Variants in SH3RF3 observed in about 807,000 individuals in gnomAD.
The protein encoded by SH3RF3 is SH3 domain containing ring finger 3.
Under a neutral mutation model 66.3 loss-of-function variants are expected in SH3RF3, and 29 were observed. The observed-to-expected ratio is 0.44, with a 90% CI of 0.33 to 0.60. SH3RF3 has a LOEUF of 0.60. SH3RF3 is among the 20% of genes least tolerant of loss of function. The probability of loss-of-function intolerance (pLI) is 0.04; values close to 1 mark genes in which losing one functional copy is unlikely to be tolerated. For synonymous variants in SH3RF3, 583 were observed against 532.0 expected (o/e 1.10, Z -1.32); for missense variants, 1,194 against 1,190.9 (o/e 1.00, Z -0.04).
At position 109,490,748 on chromosome 2, in the gene SH3RF3, G is replaced by A; in HGVS notation, c.2292G>A (p.Val764=). 2 of 1,536,436 alleles carry A rather than the reference G, an allele frequency of 1.3e-6. No individual in the cohort carries two copies. The highest frequency in any genetic ancestry group is 3.9e-5 in the Admixed American group (2 of 50,968). Residue 764 remains valine, a synonymous_variant, in exon 9 of 10, where the codon GTG becomes GTA. Transcript: ENST00000309415. ...ALLQGAVGPE[V]SSLSIHGRAG... ...TCCAAGGTGCAGTGGGCCCCGAAGTGTCCTCACTGTCCATCCACGGCAGGG... is the reference window on the plus strand; with the variant it reads ...TCCAAGGTGCAGTGGGCCCCGAAGTATCCTCACTGTCCATCCACGGCAGGG...
chr2:109,358,253 T>G (rs1046218414), intron 2 of SH3RF3, among the ~76,000 whole-genome samples: 6 of 152,246 alleles, frequency 3.9e-5, no homozygotes, highest in Non-Finnish European at 8.8e-5. Context: ...CATTGAGTAA[T>G]ATGCCATTAT....
chr2:109,436,972 A>G lies in SH3RF3; in HGVS notation c.1654A>G (p.Met552Val). ...ACTGGCCAAAGGGATAACCACAACC[A>G]TGCACCCAGGCAGTGGGAGTCTGAG... ...SPLAKGITTT[M>V]HPGSGSLSSL... The change falls in exon 7 of 10, where the codon ATG becomes GTG. Residue 552 changes from methionine to valine, a missense_variant. Transcript: ENST00000309415. 1.2e-6 allele frequency: 2 copies of G among 1,613,856 alleles called. No homozygotes were observed. Among genetic ancestry groups the G allele is most frequent in the Non-Finnish European group, 8.5e-7 (1 of 1,179,894 alleles).
chr2:109,442,672 T>C (rs956603998), intron 7 of SH3RF3, among the ~76,000 whole-genome samples: 4 of 152,058 alleles, frequency 2.6e-5, no homozygotes, highest in African/African-American at 9.7e-5. Context: ...TAAATGACTA[T>C]AATAAAATAA....
chr2:109,319,480 T>C (rs1574571238), intron 1 of SH3RF3, among the ~76,000 whole-genome samples: 1 of 152,184 alleles, frequency 6.6e-6, no homozygotes. Context: ...CTTGCACTTC[T>C]GCTGGGGTAG....
At chr2:109,249,532 T>G (rs190140754) in intron 1 of SH3RF3, among the ~76,000 whole-genome samples, 4 of 96,450 alleles carry the variant, frequency 4.1e-5, no homozygotes, top group Non-Finnish European at 8.1e-5. Flanking sequence ...TCTTTCTTTC[T>G]TTCCTTCCTT....
intron 1 of SH3RF3, among the ~76,000 whole-genome samples, chr2:109,262,543 G>C (rs1034804584): frequency 1.3e-5 from 2 of 152,124 alleles, no homozygotes; most frequent in Non-Finnish European, 2.9e-5. Flanking sequence ...ATCCTTCAAA[G>C]GTTTTCTTGT....
chr2:109,494,794 C>A (rs1679217452), intron 9 of SH3RF3, among the ~76,000 whole-genome samples: 1 of 152,104 alleles, frequency 6.6e-6, no homozygotes, highest in Non-Finnish European at 1.5e-5. Flanking sequence ...ATTTCTTGGG[C>A]CTTTCCTGTG....
chr2:109,298,962 GT>G (rs1454601568), intron 1 of SH3RF3, among the ~76,000 whole-genome samples: 1 of 152,200 alleles, frequency 6.6e-6, no homozygotes, highest in East Asian at 1.9e-4. Context: ...AAGCCAGGCC[GT>G]ATGACACGGC....
At chr2:109,418,265 C>G (rs1041769546) in intron 4 of SH3RF3, among the ~76,000 whole-genome samples, 1 of 152,096 alleles carries the variant, frequency 6.6e-6, no homozygotes, top group African/African-American at 2.4e-5. Context: ...GGAGGTGGAC[C>G]CCTTCCTCCT....
Position 109,347,824 on chromosome 2 carries a change from T to C in SH3RF3, c.724T>C (p.Phe242Leu), listed in dbSNP as rs369527075. ...YHGELHGTQG[F>L]LPASYIQCIQ... ...CGGCGAGCTGCACGGCACACAGGGCTTCCTCCCAGCCAGCTATATCCAGTG... is the reference window on the plus strand; with the variant it reads ...CGGCGAGCTGCACGGCACACAGGGCCTCCTCCCAGCCAGCTATATCCAGTG... The change falls in exon 2 of 10, where the codon TTC becomes CTC. Residue 242 changes from phenylalanine (F) to leucine (L), a missense_variant. Transcript: ENST00000309415. The C allele has an allele frequency of 5.0e-6, 8 of 1,613,954 alleles. No homozygotes were observed. Among genetic ancestry groups the C allele is most frequent in the Admixed American group, 1.7e-5 (1 of 60,018 alleles).
In SH3RF3 at chr2:109,504,323, C is replaced by G. The variant is rs904219076; in HGVS notation, c.*2652C>G. 6.6e-6 allele frequency: 1 copy of G among 152,224 alleles called. No individual in the cohort carries two copies. Among genetic ancestry groups the G allele is most frequent in the Admixed American group, 6.5e-5 (1 of 15,292 alleles). The allele number at this position is 152,224 out of a possible 1,614,324, so 9.4% of individuals were successfully genotyped here. The stretch of plus-strand genomic sequence containing the variant: ...TAGAGTCCACAGCCATGGCTGAAGT[C>G]AGTGGACACCGAGGGGACAGGACTG... On this transcript the variant is annotated 3_prime_UTR_variant, in exon 10 of 10. Coordinates refer to ENST00000309415, the MANE Select transcript of SH3RF3 (RefSeq NM_001099289.3).
At chr2:109,273,386 G>A (rs763487477) in intron 1 of SH3RF3, among the ~76,000 whole-genome samples, 1 of 152,218 alleles carries the variant, frequency 6.6e-6, no homozygotes, top group African/African-American at 2.4e-5. Flanking sequence ...CATGGATGAG[G>A]GGGGAGGCAG....
intron 1 of SH3RF3, among the ~76,000 whole-genome samples, chr2:109,320,892 C>T (rs966227330): frequency 6.6e-6 from 1 of 152,216 alleles, no homozygotes; most frequent in Non-Finnish European, 1.5e-5. Context: ...TACTCATCAC[C>T]TGGGTTAACC....
At chr2:109,359,866 G>T (rs1683019930) in intron 2 of SH3RF3, among the ~76,000 whole-genome samples, 1 of 151,990 alleles carries the variant, frequency 6.6e-6, no homozygotes, top group Non-Finnish European at 1.5e-5. Context: ...AACCATAAAG[G>T]GTCATAAAAT....
chr2:109,407,511 G>A (rs1676479954), intron 4 of SH3RF3, among the ~76,000 whole-genome samples: 1 of 152,120 alleles, frequency 6.6e-6, no homozygotes, highest in African/African-American at 2.4e-5. Flanking sequence ...GGAAGTGCTG[G>A]GGAAAAGCTG....
intron 1 of SH3RF3, among the ~76,000 whole-genome samples, chr2:109,307,025 GT>G (rs1187689535): frequency 6.6e-6 from 1 of 152,204 alleles, no homozygotes. Flanking sequence ...TATTATGGCA[GT>G]GCAGTTTTAA....
At chr2:109,275,415 CCCT>C (rs1396832841) in intron 1 of SH3RF3, among the ~76,000 whole-genome samples, 1 of 152,204 alleles carries the variant, frequency 6.6e-6, no homozygotes, top group Admixed American at 6.5e-5. Context: ...GGTTCCGTGA[CCCT>C]CCATTCAGTT....
At chr2:109,458,980 T>C (rs566154363) in intron 8 of SH3RF3, among the ~76,000 whole-genome samples, 22 of 152,264 alleles carry the variant, frequency 1.4e-4, no homozygotes, top group Middle Eastern at 6.8e-3. Flanking sequence ...CTCCCTAAAC[T>C]ATACTTAGTT....
At chr2:109,494,549 T>TA (rs1313488605) in intron 9 of SH3RF3, among the ~76,000 whole-genome samples, 1 of 152,172 alleles carries the variant, frequency 6.6e-6, no homozygotes, top group Admixed American at 6.5e-5. Flanking sequence ...GAGTAAAACT[T>TA]ACTTCCAGGC....
Sources: gnomAD v4.1 joint callset for allele counts (sites outside exome capture counted in the v4.1 genomes callset) on GRCh38, gnomAD v4.1.1 for gene constraint, MANE v1.5 for transcripts, NCBI Gene and HGNC (gene_info 2026-07-23, HGNC 2026-07-21) for gene names.